The following LMBR1 variants were observed in gnomAD, a reference collection of about 807,000 sequenced individuals.
The protein encoded by LMBR1 is limb region 1 protein homolog.
LMBR1 carries 52 observed loss-of-function variants against 73.9 expected under a neutral mutation model. That is an observed-to-expected ratio of 0.70 (90% CI 0.56 to 0.89). LMBR1 has a LOEUF of 0.89. LMBR1 is among the 40% of genes least tolerant of loss of function. The pLI, the probability that LMBR1 is intolerant of heterozygous loss-of-function variation, is 0.00. For missense variants in LMBR1, 539 were observed against 579.8 expected (o/e 0.93, Z 0.72); for synonymous variants, 215 against 209.4 (o/e 1.03, Z -0.23).
intron 1 of LMBR1, among the ~76,000 whole-genome samples, chr7:156,873,449 A>G (rs1407092660): frequency 2.0e-5 from 3 of 152,106 alleles, no homozygotes; most frequent in African/African-American, 7.2e-5. Flanking sequence ...AAGCTTCCAC[A>G]GTGTGGAAGG....
chr7:156,888,397 G>A (rs181163502), intron 1 of LMBR1, among the ~76,000 whole-genome samples: 11 of 139,530 alleles, frequency 7.9e-5, no homozygotes, highest in South Asian at 2.3e-4. Context: ...GAAACACAGC[G>A]AGACTCTGTC....
At chr7:156,684,588 A>G (rs1805617214) in intron 16 of LMBR1, among the ~76,000 whole-genome samples, 1 of 152,198 alleles carries the variant, frequency 6.6e-6, no homozygotes, top group Admixed American at 6.5e-5. Context: ...CTTCCTGGCA[A>G]GCAGATTCCC....
intron 16 of LMBR1, among the ~76,000 whole-genome samples, chr7:156,684,750 G>A (rs945131235): frequency 6.6e-6 from 1 of 152,162 alleles, no homozygotes; most frequent in Non-Finnish European, 1.5e-5. Context: ...TGAGCTGAGG[G>A]GTTTGAGACA....
At chr7:156,776,121 T>TTA (rs555241564) in intron 5 of LMBR1, among the ~76,000 whole-genome samples, 27 of 148,510 alleles carry the variant, frequency 1.8e-4, no homozygotes, top group East Asian at 7.8e-4. Context: ...TATATATATT[T>TTA]TATATATATA....
intron 16 of LMBR1, among the ~76,000 whole-genome samples, chr7:156,687,728 A>G (rs1000804115): frequency 6.6e-6 from 1 of 152,218 alleles, no homozygotes; most frequent in African/African-American, 2.4e-5. Flanking sequence ...CACCATCGTC[A>G]TAATAAAGGG....
At chr7:156,749,674 C>A (rs564217237) in intron 9 of LMBR1, among the ~76,000 whole-genome samples, 1 of 151,954 alleles carries the variant, frequency 6.6e-6, no homozygotes, top group Non-Finnish European at 1.5e-5. Flanking sequence ...ATAATTAATA[C>A]AAGCTTCAAT....
chr7:156,756,097 A>G (rs748334090), intron 9 of LMBR1, among the ~76,000 whole-genome samples: 9 of 152,240 alleles, frequency 5.9e-5, no homozygotes, highest in Non-Finnish European at 1.2e-4. Flanking sequence ...GTAATTAAAA[A>G]TTAAATTTTA....
chr7:156,855,836 G>A (rs1796887200), intron 1 of LMBR1, among the ~76,000 whole-genome samples: 1 of 152,084 alleles, frequency 6.6e-6, no homozygotes, highest in Admixed American at 6.5e-5. Context: ...AACCATGCAA[G>A]CAAAAAGAAA....
At chr7:156,749,925 G>T (rs144627409) in intron 9 of LMBR1, among the ~76,000 whole-genome samples, 6,366 of 152,200 alleles carry the variant, frequency 0.042, 180 homozygotes, top group Non-Finnish European at 0.049. Context: ...CCAACCTCAG[G>T]TGATCTGCCT....
chr7:156,675,923 G>A, downstream of LMBR1: 1 of 1,546,196 alleles, frequency 6.5e-7, no homozygotes, highest in Non-Finnish European at 8.9e-7. Context: ...GAGGCTGTGG[G>A]GAGTGGCATG....
At chr7:156,714,113 C>A (rs1812683202) in intron 15 of LMBR1, among the ~76,000 whole-genome samples, 1 of 152,124 alleles carries the variant, frequency 6.6e-6, no homozygotes, top group South Asian at 2.1e-4. Context: ...GTTAAGTGAA[C>A]TGGGAAGTGA....
chr7:156,757,865 AG>A (rs1355915138), intron 8 of LMBR1, among the ~76,000 whole-genome samples: 1 of 152,230 alleles, frequency 6.6e-6, no homozygotes, highest in African/African-American at 2.4e-5. Flanking sequence ...CCTATGACCT[AG>A]CACTGAACTC....
rs1240803376 is a variant in LMBR1 at position 156,680,659 on chromosome 7, T to A, written c.*3419A>T. ...CATGCTATCAATTATTGATGCTACA[T>A]TGTGGGTTATAAGAAATTGATCTAC... is the stretch of plus-strand genomic sequence containing the variant. On this transcript the variant is annotated 3_prime_UTR_variant, in exon 17 of 17. Transcript: ENST00000353442. 6.5e-6 allele frequency: 1 copy of A among 154,138 alleles called. No homozygotes were observed. Among genetic ancestry groups the A allele is most frequent in the African/African-American group, 2.4e-5 (1 of 41,456 alleles). The allele number at this position is 154,138 out of a possible 1,614,324, so 9.5% of individuals were successfully genotyped here.
At chr7:156,864,270 G>A (rs1350084351) in intron 1 of LMBR1, among the ~76,000 whole-genome samples, 1 of 152,180 alleles carries the variant, frequency 6.6e-6, no homozygotes, top group Non-Finnish European at 1.5e-5. Flanking sequence ...CTTAACTCTT[G>A]TTCATAAACA....
intron 1 of LMBR1, chr7:156,892,321 G>C (rs576190216): frequency 1.3e-5 from 2 of 152,542 alleles, no homozygotes; most frequent in Admixed American, 1.3e-4. Context: ...GAAACGTGAG[G>C]CGCCAGGAGG....
intron 4 of LMBR1, among the ~76,000 whole-genome samples, chr7:156,811,527 TA>T (rs775898667): frequency 3.3e-5 from 5 of 151,888 alleles, no homozygotes; most frequent in Non-Finnish European, 7.4e-5. Context: ...AAGAATCACC[TA>T]AACCCGGGAG....
intron 1 of LMBR1, among the ~76,000 whole-genome samples, chr7:156,849,872 A>T (rs1160161667): frequency 6.6e-6 from 1 of 152,142 alleles, no homozygotes; most frequent in Admixed American, 6.5e-5. Flanking sequence ...CAACCATAAC[A>T]AATTTTCCAC....
intron 4 of LMBR1, among the ~76,000 whole-genome samples, chr7:156,818,557 A>G (rs572108810): frequency 6.6e-6 from 1 of 152,294 alleles, no homozygotes; most frequent in South Asian, 2.1e-4. Context: ...ATTGTTATTT[A>G]GCTCTTATTT....
At chr7:156,717,927 A>G (rs910084747) in intron 15 of LMBR1, among the ~76,000 whole-genome samples, 1 of 152,226 alleles carries the variant, frequency 6.6e-6, no homozygotes, top group African/African-American at 2.4e-5. Flanking sequence ...ATTTCTGGAA[A>G]CTTGGAAGAG....
Sources: allele counts gnomAD v4.1 joint callset (sites outside exome capture counted in the v4.1 genomes callset), GRCh38; gene constraint gnomAD v4.1.1; transcripts MANE v1.5; gene names NCBI Gene and HGNC (gene_info 2026-07-23, HGNC 2026-07-21).